Variants in TRIM2 observed in about 807,000 individuals in gnomAD.
TRIM2 encodes the protein tripartite motif-containing protein 2.
A neutral mutation model predicts 75.2 loss-of-function variants in TRIM2; 20 were observed. That is an observed-to-expected ratio of 0.27 (90% CI 0.19 to 0.39). The LOEUF (loss-of-function observed/expected upper bound fraction) is 0.39. Ranked by LOEUF, TRIM2 falls within the 10% of genes least tolerant of loss-of-function variation. The probability of loss-of-function intolerance (pLI) is 1.00; values close to 1 mark genes in which losing one functional copy is unlikely to be tolerated. For missense variants in TRIM2, 660 were observed against 990.8 expected (o/e 0.67, Z 4.48); for synonymous variants, 373 against 388.3 (o/e 0.96, Z 0.46).
At chr4:153,154,345 G>T (rs1218700082) in intron 1 of TRIM2, among the ~76,000 whole-genome samples, 2 of 152,228 alleles carry the variant, frequency 1.3e-5, no homozygotes, top group African/African-American at 4.8e-5. Context: ...GCCAATGGAA[G>T]ACCTCACCTT....
chr4:153,266,149 G>T (rs1220924345), intron 1 of TRIM2, among the ~76,000 whole-genome samples: 11 of 152,054 alleles, frequency 7.2e-5, no homozygotes, highest in South Asian at 2.1e-4. Flanking sequence ...GCTTCACAAG[G>T]TTCTATATGT....
At chr4:153,316,962 G>A (rs1579658512) in intron 8 of TRIM2, among the ~76,000 whole-genome samples, 1 of 123,352 alleles carries the variant, frequency 8.1e-6, no homozygotes, top group Non-Finnish European at 1.6e-5. Context: ...CTCACTGCAA[G>A]CTCTGCCTCC....
intron 2 of TRIM2, among the ~76,000 whole-genome samples, chr4:153,271,732 G>A (rs1756714439): frequency 1.3e-5 from 2 of 152,140 alleles, no homozygotes; most frequent in African/African-American, 4.8e-5. Flanking sequence ...CCCTTAATGG[G>A]TGCACCTAAA....
At chr4:153,186,444 G>T (rs186096344) in intron 1 of TRIM2, among the ~76,000 whole-genome samples, 1 of 152,240 alleles carries the variant, frequency 6.6e-6, no homozygotes, top group Non-Finnish European at 1.5e-5. Context: ...AGGAAATAGC[G>T]CTTAACCTCA....
At chr4:153,271,838 C>T (rs1276559585) in intron 2 of TRIM2, among the ~76,000 whole-genome samples, 3 of 152,158 alleles carry the variant, frequency 2.0e-5, no homozygotes, top group Admixed American at 2.0e-4. Flanking sequence ...CTGATACTCT[C>T]TATAGAAGTG....
chr4:153,214,006 A>G (rs1737791393), intron 1 of TRIM2, among the ~76,000 whole-genome samples: 1 of 152,164 alleles, frequency 6.6e-6, no homozygotes, highest in African/African-American at 2.4e-5. Flanking sequence ...AGAAAAAAAA[A>G]AAGTGGATGG....
chr4:153,284,086 C>T (rs1202126983), intron 3 of TRIM2, among the ~76,000 whole-genome samples: 4 of 151,102 alleles, frequency 2.6e-5, no homozygotes, highest in Non-Finnish European at 5.9e-5. Flanking sequence ...ACCATGTTGG[C>T]CAGGCAGGTC....
At position 153,308,825 on chromosome 4, in the gene TRIM2, A is replaced by G. The variant is rs74463706; in HGVS notation, c.1511-6660A>G. ...CGTCCCCAGATGCTGAGCTGAAAAT[A>G]TATTATTTTATGCCCCTCTCCCCTG... On this transcript the variant is annotated intron_variant, in intron 6 of 11. Coordinates refer to ENST00000338700, the MANE Select transcript of TRIM2 (RefSeq NM_015271.5). 624 of 405,756 alleles carry G rather than the reference A, an allele frequency of 1.5e-3. 5 individuals are homozygous for G. Among genetic ancestry groups the G allele is most frequent in the African/African-American group, 0.01 (494 of 47,852 alleles). 25.1% of individuals were successfully genotyped at this position (405,756 alleles called of 1,614,324 possible).
intron 1 of TRIM2, among the ~76,000 whole-genome samples, chr4:153,170,984 G>A (rs1360669635): frequency 1.3e-5 from 2 of 152,160 alleles, no homozygotes; most frequent in Non-Finnish European, 2.9e-5. Context: ...TTTTATAAAT[G>A]AGGAAATGGA....
At chr4:153,250,665 T>C (rs1750646738) in intron 1 of TRIM2, among the ~76,000 whole-genome samples, 1 of 152,218 alleles carries the variant, frequency 6.6e-6, no homozygotes, top group Non-Finnish European at 1.5e-5. Context: ...GGATAGAGCC[T>C]GGAGCAAGCA....
At chr4:153,245,374 A>G (rs1015003562) in intron 1 of TRIM2, among the ~76,000 whole-genome samples, 37 of 152,224 alleles carry the variant, frequency 2.4e-4, no homozygotes, top group African/African-American at 8.9e-4. Context: ...TTAGGGTATT[A>G]CAGACCCACC....
At chr4:153,206,666 T>TC (rs1735526139) in intron 1 of TRIM2, among the ~76,000 whole-genome samples, 3 of 152,052 alleles carry the variant, frequency 2.0e-5, no homozygotes, top group African/African-American at 7.2e-5. Context: ...TGAGTCAACC[T>TC]CCTGCCCCTC....
rs1243853414 is a variant in TRIM2, at chr4:153,338,219, C to G, written c.*3253C>G. The G allele has an allele frequency of 8.1e-6, 8 of 985,708 alleles. No individual in the cohort carries two copies. In the East Asian group the frequency reaches 6.8e-4, roughly 84 times the overall value. 61.1% of individuals were successfully genotyped at this position (985,708 alleles called of 1,614,324 possible). On this transcript the variant is annotated 3_prime_UTR_variant, in exon 12 of 12. Transcript: ENST00000338700. The stretch of plus-strand genomic sequence containing the variant: ...AGCAAGTATCTGTGAATCCTTAGCA[C>G]TGACGGGTTAACAGAAATGCTTTGG...
At chr4:153,214,051 A>G (rs1737804657) in intron 1 of TRIM2, among the ~76,000 whole-genome samples, 1 of 152,142 alleles carries the variant, frequency 6.6e-6, no homozygotes, top group Admixed American at 6.5e-5. Flanking sequence ...TACTCTTATG[A>G]TAGTGTCTAG....
intron 1 of TRIM2, among the ~76,000 whole-genome samples, chr4:153,260,522 A>AT (rs1231558676): frequency 6.6e-6 from 1 of 151,992 alleles, no homozygotes; most frequent in Non-Finnish European, 1.5e-5. Flanking sequence ...ATCAGCTTCC[A>AT]TTTGGTAAAA....
Position 153,295,487 on chromosome 4 carries a change from C to A in TRIM2, c.961C>A (p.Arg321=). 6.2e-7 allele frequency: 1 copy of A among 1,614,126 alleles called. No homozygotes were observed. The highest frequency in any genetic ancestry group is 8.5e-7 in the Non-Finnish European group (1 of 1,180,010). Residue 321 remains arginine, a synonymous_variant, in exon 6 of 12, where the codon CGG becomes AGG. Transcript: ENST00000338700. The surrounding 1 kb of genome is among the most constrained non-coding windows in gnomAD (Gnocchi z 7.2). Reference sequence around the variant, plus strand: ...CGACCAGGACTTCCCCTTGCACCCGCGGGAGAACGACCAGCTGGATTTCAT... The same window carrying A: ...CGACCAGGACTTCCCCTTGCACCCGAGGGAGAACGACCAGCTGGATTTCAT... ...LADQDFPLHP[R]ENDQLDFIVE... is the part of the protein sequence containing the mutation.
intron 11 of TRIM2, among the ~76,000 whole-genome samples, chr4:153,330,151 T>G (rs1312685004): frequency 6.6e-6 from 1 of 152,166 alleles, no homozygotes; most frequent in African/African-American, 2.4e-5. Flanking sequence ...CTATAACTAT[T>G]AAGAAAATTT....
chr4:153,196,182 T>C (rs1733742759), intron 1 of TRIM2, among the ~76,000 whole-genome samples: 1 of 152,064 alleles, frequency 6.6e-6, no homozygotes, highest in African/African-American at 2.4e-5. Context: ...TCCCAGCACG[T>C]CGGGAGGCTG....
intron 1 of TRIM2, among the ~76,000 whole-genome samples, chr4:153,218,620 C>A (rs1194461060): frequency 6.6e-6 from 1 of 152,184 alleles, no homozygotes; most frequent in Admixed American, 6.5e-5. Flanking sequence ...GGTCCCAAGT[C>A]AAGTCTACAA....
Sources: allele counts gnomAD v4.1 joint callset (sites outside exome capture counted in the v4.1 genomes callset), GRCh38; gene constraint gnomAD v4.1.1; non-coding constraint Gnocchi (gnomAD v3.1); transcripts MANE v1.5; gene names NCBI Gene and HGNC (gene_info 2026-07-23, HGNC 2026-07-21).